Variants in UBE2L3 observed in about 807,000 individuals in gnomAD.
UBE2L3 encodes the protein ubiquitin-conjugating enzyme E2 L3.
UBE2L3 carries 1 observed loss-of-function variant against 17.8 expected under a neutral mutation model. That is an observed-to-expected ratio of 0.06 (90% CI 0.02 to 0.27). The LOEUF (loss-of-function observed/expected upper bound fraction) is 0.27. Ranked by LOEUF, UBE2L3 falls within the 10% of genes least tolerant of loss-of-function variation. The pLI is 1.00. For synonymous variants in UBE2L3, 44 were observed against 68.5 expected, an observed-to-expected ratio of 0.64 and a Z score of 1.76; for missense variants, 40 against 192.6, an observed-to-expected ratio of 0.21 and a Z score of 4.69.
Position 21,568,006 on chromosome 22 carries a change from G to C in UBE2L3, c.27+235G>C, listed in dbSNP as rs570541689. On this transcript the variant is annotated intron_variant, in intron 1 of 3. Transcript: ENST00000342192. ...CGCTGTCGGCCCCTCAGCCCGGCCC[G>C]GGGCGTTCACGCCACTCTCCGCCCG... 9.8e-5 allele frequency: 131 copies of C among 1,339,170 alleles called. No individual in the cohort carries two copies. In the African/African-American group the frequency reaches 1.5e-3, roughly 15 times the overall value. 83.0% of individuals were successfully genotyped at this position (1,339,170 alleles called of 1,614,324 possible).
intron 1 of UBE2L3, among the ~76,000 whole-genome samples, chr22:21,573,818 A>G (rs1927114274): frequency 6.6e-6 from 1 of 152,138 alleles, no homozygotes; most frequent in Non-Finnish European, 1.5e-5. Context: ...CCAGCCCCTG[A>G]GATGCTTTCC....
At chr22:21,569,700 A>G (rs774570360) in intron 1 of UBE2L3, among the ~76,000 whole-genome samples, 2 of 152,184 alleles carry the variant, frequency 1.3e-5, no homozygotes, top group Non-Finnish European at 2.9e-5. Context: ...TTGGTTTCCC[A>G]CAGTTCTTGC....
At chr22:21,587,700 T>C (rs1480663822) in intron 1 of UBE2L3, among the ~76,000 whole-genome samples, 1 of 152,212 alleles carries the variant, frequency 6.6e-6, no homozygotes, top group Admixed American at 6.5e-5. Context: ...CCATCTCCTC[T>C]CAGGACTTGA....
intron 2 of UBE2L3, among the ~76,000 whole-genome samples, chr22:21,596,842 C>T (rs1248268309): frequency 6.6e-6 from 1 of 152,150 alleles, no homozygotes; most frequent in East Asian, 1.9e-4. Flanking sequence ...TCCTTGCTAA[C>T]ATTTGTTATT....
At chr22:21,619,356 G>C (rs1229417591) in intron 3 of UBE2L3, among the ~76,000 whole-genome samples, 1 of 152,182 alleles carries the variant, frequency 6.6e-6, no homozygotes, top group Admixed American at 6.5e-5. Context: ...GACTGAATTA[G>C]AGGCCACCCT....
intron 3 of UBE2L3, chr22:21,614,758 C>A: frequency 1.3e-6 from 1 of 780,220 alleles, no homozygotes; most frequent in Non-Finnish European, 1.9e-6. Flanking sequence ...GAAATGAAAA[C>A]ATATGCCCAA....
At chr22:21,590,796 T>C (rs187909809) in intron 1 of UBE2L3, among the ~76,000 whole-genome samples, 95 of 152,296 alleles carry the variant, frequency 6.2e-4, no homozygotes, top group Non-Finnish European at 1.0e-3. Context: ...AAACACAGCA[T>C]TGGAACTGTA....
At chr22:21,568,495 G>A in intron 1 of UBE2L3, 1 of 929,866 alleles carries the variant, frequency 1.1e-6, no homozygotes, top group Non-Finnish European at 1.3e-6. Flanking sequence ...ATTTTTGGGG[G>A]GATAACGGTT....
At chr22:21,571,611 A>C (rs1311685829) in intron 1 of UBE2L3, among the ~76,000 whole-genome samples, 1 of 152,132 alleles carries the variant, frequency 6.6e-6, no homozygotes. Flanking sequence ...CATGTTTGCC[A>C]TGCTGGTCTC....
At chr22:21,621,363 A>G in intron 3 of UBE2L3, 152 bp from the exon 4 acceptor site, 1 of 969,830 alleles carries the variant, frequency 1.0e-6, no homozygotes, top group Non-Finnish European at 1.5e-6. Flanking sequence ...GGCAGTCAGA[A>G]TTTTGGATAA....
At chr22:21,573,469 A>G (rs1003543274) in intron 1 of UBE2L3, among the ~76,000 whole-genome samples, 2 of 152,086 alleles carry the variant, frequency 1.3e-5, no homozygotes, top group African/African-American at 4.8e-5. Context: ...GAGCTCAACA[A>G]AGGAGAAAAA....
chr22:21,568,217 T>G, intron 1 of UBE2L3: 3 of 989,908 alleles, frequency 3.0e-6, no homozygotes, highest in Non-Finnish European at 3.6e-6. Context: ...GGCTTGCAGC[T>G]CCGCTTGGCC....
intron 3 of UBE2L3, among the ~76,000 whole-genome samples, chr22:21,617,630 GT>G (rs1353059130): frequency 2.6e-5 from 4 of 152,204 alleles, no homozygotes; most frequent in African/African-American, 9.6e-5. Flanking sequence ...GAGCATTTGG[GT>G]CATGGAAGAG....
chr22:21,590,379 G>T (rs1928190759), intron 1 of UBE2L3, among the ~76,000 whole-genome samples: 1 of 152,036 alleles, frequency 6.6e-6, no homozygotes, highest in Non-Finnish European at 1.5e-5. Flanking sequence ...TGTGTTTTTA[G>T]TAGAGATGGG....
At position 21,613,178 on chromosome 22, in the gene UBE2L3, G is replaced by C. The variant is rs181980098; in HGVS notation, c.310+2135G>C. ...GACTGAGAGGGTGGGGCTAGGGCCA[G>C]GGAGGCTCTCAGGAGATGGATGCAC... On this transcript the variant is annotated intron_variant, in intron 3 of 3. Coordinates refer to ENST00000342192, the MANE Select transcript of UBE2L3 (RefSeq NM_003347.4). Among the ~76,000 whole-genome samples, 216 of 152,188 alleles carry C rather than the reference G, an allele frequency of 1.4e-3. 1 individual carries two copies. The highest frequency in any genetic ancestry group is 2.8e-3 in the Non-Finnish European group (188 of 68,020).
intron 1 of UBE2L3, among the ~76,000 whole-genome samples, chr22:21,558,919 GC>G (rs1167782120): frequency 1.3e-5 from 2 of 151,890 alleles, no homozygotes; most frequent in African/African-American, 4.8e-5. Flanking sequence ...AGGCAGACAG[GC>G]CAGATGTGGC....
chr22:21,573,967 G>A (rs1349310077), intron 1 of UBE2L3, among the ~76,000 whole-genome samples: 1 of 152,186 alleles, frequency 6.6e-6, no homozygotes, highest in Non-Finnish European at 1.5e-5. Context: ...GTCACTGAGG[G>A]CAGTGCTGAT....
chr22:21,572,595 A>G (rs79858848), intron 1 of UBE2L3, among the ~76,000 whole-genome samples: 7,779 of 152,232 alleles, frequency 0.051, 277 homozygotes, highest in Non-Finnish European at 0.079. Context: ...TACGTTTAAG[A>G]TATTTCTATA....
upstream of UBE2L3, among the ~76,000 whole-genome samples, chr22:21,566,986 C>T (rs1926661782): frequency 6.6e-6 from 1 of 152,010 alleles, no homozygotes; most frequent in South Asian, 2.1e-4. Context: ...CTAACGTATC[C>T]CAGAGGATGG....
Sources: allele counts gnomAD v4.1 joint callset (sites outside exome capture counted in the v4.1 genomes callset), GRCh38; gene constraint gnomAD v4.1.1; transcripts MANE v1.5; gene names NCBI Gene and HGNC (gene_info 2026-07-23, HGNC 2026-07-21).